The following ZC3HC1 variants were observed in gnomAD, a reference collection of about 807,000 sequenced individuals.
ZC3HC1 encodes zinc finger C3HC-type protein 1.
A neutral mutation model predicts 61.9 loss-of-function variants in ZC3HC1; 38 were observed. The observed-to-expected ratio is 0.61, with a 90% CI of 0.47 to 0.81. ZC3HC1 has a LOEUF of 0.81. Ranked by LOEUF, ZC3HC1 falls within the 30% of genes least tolerant of loss-of-function variation. The pLI, the probability that ZC3HC1 is intolerant of heterozygous loss-of-function variation, is 0.00. For synonymous variants in ZC3HC1, 213 were observed against 229.9 expected (o/e 0.93, Z 0.67); for missense variants, 554 against 622.7 (o/e 0.89, Z 1.17).
chr7:130,024,402 A>G lies in ZC3HC1; in HGVS notation c.881T>C (p.Leu294Pro), dbSNP rs145353294. 5 of 1,614,040 alleles carry G rather than the reference A, an allele frequency of 3.1e-6. No individual in the cohort carries two copies. The African/African-American group carries it at 6.7e-5, about 22-fold the overall frequency. The change falls in exon 7 of 10, where the codon CTG becomes CCG. Residue 294 changes from leucine to proline, a missense_variant. Leu to Pro is a moderately conservative substitution (Grantham distance 98). Transcript: ENST00000358303. ...FQQIESSMTD[L>P]DASFGLTSSP... ...GCTGGTCAGGCCAAAGGATGCATCC[A>G]GGTCAGTCATGGACGATTCAATCTG...
In ZC3HC1 at chr7:130,023,273, G is replaced by A. The variant is rs1563073824; in HGVS notation, c.1233+238C>T. ...ATCAGGTTTGTCCCTGTATCACACC[G>A]TTGTTCCATTTGCCTGAAATATCTA... On this transcript the variant is annotated intron_variant, in intron 8 of 9. Coordinates refer to ENST00000358303, the MANE Select transcript of ZC3HC1 (RefSeq NM_016478.5). This position sits in a 1 kb window ranked among gnomAD's most constrained non-coding sequence, Gnocchi z 4.2. Among the ~76,000 whole-genome samples the A allele has an allele frequency of 6.6e-6, 1 of 152,060 alleles. No homozygotes were observed. Among genetic ancestry groups the A allele is most frequent in the South Asian group, 2.1e-4 (1 of 4,824 alleles).
intron 4 of ZC3HC1, 190 bp downstream of exon 4, chr7:130,039,274 G>A (rs1453045256): frequency 8.7e-6 from 5 of 572,400 alleles, no homozygotes; most frequent in Admixed American, 3.3e-5. Context: ...AACGCGGGAG[G>A]CGAAGGTTGC....
rs746074864 is a variant in ZC3HC1, at chr7:130,026,183, G to C, written c.751C>G (p.Leu251Val). 11 of 1,613,978 alleles carry C rather than the reference G, an allele frequency of 6.8e-6. No homozygotes were observed. The highest frequency in any genetic ancestry group is 8.5e-6 in the Non-Finnish European group (10 of 1,179,998). The change falls in exon 6 of 10, where the codon CTC becomes GTC. Residue 251 changes from leucine to valine, a missense_variant. Coordinates refer to ENST00000358303, the MANE Select transcript of ZC3HC1 (RefSeq NM_016478.5). ...CTACACGCCCAGCCACACACAGAGAGAATACAGGCAGTGACGTGGACTTGG... is the reference window on the plus strand; with the variant it reads ...CTACACGCCCAGCCACACACAGAGACAATACAGGCAGTGACGTGGACTTGG... ...DIQVHVTACI[L>V]SVCGWACSSS...
At chr7:130,019,098 G>A (rs1258150533) in intron 9 of ZC3HC1, among the ~76,000 whole-genome samples, 1 of 145,174 alleles carries the variant, frequency 6.9e-6, no homozygotes, top group Non-Finnish European at 1.5e-5. Context: ...CTGTCACCCA[G>A]GCTGGAGTGC....
At chr7:130,027,345 T>C (rs1328918498) in intron 5 of ZC3HC1, 1 of 152,182 alleles carries the variant, frequency 6.6e-6, no homozygotes, top group Non-Finnish European at 1.5e-5. Flanking sequence ...GGGTCAGGCC[T>C]GGTTAGTACT....
rs1409339819 is a variant in ZC3HC1, at chr7:130,039,466, G to A, written c.491C>T (p.Pro164Leu). The A allele has an allele frequency of 6.2e-7, 1 of 1,610,800 alleles. No homozygotes were observed. Among genetic ancestry groups the A allele is most frequent in the Non-Finnish European group, 8.5e-7 (1 of 1,178,852 alleles). ...CAGGAATTCTCAAAAATAAGTACCT[G>A]GGGATGGGCTGTCTGGCCAGAAACA... ...KFCFWPDSPS[P>L]DRFGMLPLDE... The change falls in exon 4 of 10, where the codon CCA becomes CTA. Residue 164 changes from proline to leucine, a missense_variant and splice_region_variant. Coordinates refer to ENST00000358303, the MANE Select transcript of ZC3HC1 (RefSeq NM_016478.5).
intron 6 of ZC3HC1, among the ~76,000 whole-genome samples, chr7:130,025,157 T>C (rs954797210): frequency 1.3e-5 from 2 of 150,336 alleles, no homozygotes; most frequent in Non-Finnish European, 3.0e-5. Flanking sequence ...CCACCCGCCT[T>C]GGCCTCCCAA....
intron 1 of ZC3HC1, 77 bp downstream of exon 1, chr7:130,051,144 T>TC: frequency 6.6e-7 from 1 of 1,511,998 alleles, no homozygotes; most frequent in Non-Finnish European, 8.8e-7. Context: ...GAGGGGAACC[T>TC]CCCCCAACCC....
intron 4 of ZC3HC1, among the ~76,000 whole-genome samples, chr7:130,038,481 A>G (rs1290913874): frequency 6.6e-6 from 1 of 152,112 alleles, no homozygotes; most frequent in African/African-American, 2.4e-5. Flanking sequence ...GGAAAAGCGG[A>G]GGGTTTGAAA....
At chr7:130,036,910 GAA>G (rs2116730928) in intron 4 of ZC3HC1, 1 of 152,330 alleles carries the variant, frequency 6.6e-6, no homozygotes, top group East Asian at 1.9e-4. Context: ...CCAAGATGGA[GAA>G]AGTTTTAGGT....
intron 4 of ZC3HC1, among the ~76,000 whole-genome samples, chr7:130,029,322 C>G (rs1794074863): frequency 6.6e-6 from 1 of 152,070 alleles, no homozygotes; most frequent in South Asian, 2.1e-4. Flanking sequence ...TGCAATGAGG[C>G]TGAGATCGTG....
In ZC3HC1 at chr7:130,022,349, C is replaced by T. The variant is rs1793682195; in HGVS notation, c.1410G>A (p.Gln470=). The change falls in exon 9 of 10, where the codon CAG becomes CAA. Residue 470 remains glutamine, a synonymous_variant. Coordinates refer to ENST00000358303, the MANE Select transcript of ZC3HC1 (RefSeq NM_016478.5). ...AVLTILLAHK[Q]SSQPAETDSM... is the part of the protein sequence containing the mutation. Reference sequence around the variant, plus strand: ...AGTCCGTTTCAGCTGGCTGGCTAGACTGTTTGTGCGCCAAGAGGATGGTCA... The same window carrying T: ...AGTCCGTTTCAGCTGGCTGGCTAGATTGTTTGTGCGCCAAGAGGATGGTCA... 6.2e-7 allele frequency: 1 copy of T among 1,614,022 alleles called. No homozygotes were observed. Among genetic ancestry groups the T allele is most frequent in the Non-Finnish European group, 8.5e-7 (1 of 1,180,020 alleles).
At chr7:130,050,368 G>C in intron 1 of ZC3HC1, 6 of 1,497,098 alleles carry the variant, frequency 4.0e-6, no homozygotes, top group Non-Finnish European at 5.4e-6. Flanking sequence ...GTGAGCCACC[G>C]CGCCCGGCGA....
chr7:130,041,162 G>A, intron 2 of ZC3HC1, 61 bp from the exon 3 acceptor site: 2 of 1,507,600 alleles, frequency 1.3e-6, no homozygotes, highest in Non-Finnish European at 8.9e-7. Context: ...GTATGTGTGT[G>A]TGTGTGTGTG....
At position 130,029,026 on chromosome 7, in the gene ZC3HC1, C is replaced by T; in HGVS notation, c.497G>A (p.Arg166Gln). ...CTCATCCAGGGGCAACATCCCAAAT[C>T]GGTCTGTGGAAAAAGTAAATTGGAA... ...CFWPDSPSPD[R>Q]FGMLPLDEPA... Residue 166 changes from arginine to glutamine, a missense_variant, in exon 5 of 10, where the codon CGA becomes CAA. Physicochemically the swap from Arg to Gln is conservative, Grantham distance 43. Transcript: ENST00000358303. 4 of 1,612,086 alleles carry T rather than the reference C, an allele frequency of 2.5e-6. No individual in the cohort carries two copies. Among genetic ancestry groups the T allele is most frequent in the East Asian group, 2.2e-5 (1 of 44,746 alleles).
chr7:130,033,045 G>T (rs371843819), intron 4 of ZC3HC1, among the ~76,000 whole-genome samples: 2 of 152,046 alleles, frequency 1.3e-5, no homozygotes, highest in Non-Finnish European at 2.9e-5. Flanking sequence ...AGGTCAGTCC[G>T]GGCAATAGAG....
intron 9 of ZC3HC1, 108 bp from the exon 10 acceptor site, chr7:130,018,840 C>A (rs1334823875): frequency 1.0e-6 from 1 of 961,520 alleles, no homozygotes; most frequent in South Asian, 1.7e-5. Flanking sequence ...AGTAAAAATT[C>A]ATTTTGTAGT....
In ZC3HC1 at chr7:130,026,162, A is replaced by T. The variant is rs554825646; in HGVS notation, c.772T>A (p.Cys258Ser). The change falls in exon 6 of 10, where the codon TGT (cysteine) becomes AGT (serine). Residue 258 changes from cysteine (C) to serine (S), a missense_variant. By Grantham distance (112) the Cys-to-Ser change is moderately radical. Coordinates refer to ENST00000358303, the MANE Select transcript of ZC3HC1 (RefSeq NM_016478.5). ...ACILSVCGWA[C>S]SSSLESMQLS... Reference sequence around the variant, plus strand: ...AGGCAAAATCTGCTGACTCACCTACACGCCCAGCCACACACAGAGAGAATA... The same window carrying T: ...AGGCAAAATCTGCTGACTCACCTACTCGCCCAGCCACACACAGAGAGAATA... The T allele has an allele frequency of 6.2e-7, 1 of 1,612,590 alleles. No individual in the cohort carries two copies. Among genetic ancestry groups the T allele is most frequent in the South Asian group, 1.1e-5 (1 of 91,006 alleles).
chr7:130,032,840 G>A (rs924897153), intron 4 of ZC3HC1, among the ~76,000 whole-genome samples: 2 of 149,886 alleles, frequency 1.3e-5, no homozygotes, highest in Admixed American at 6.7e-5. Context: ...GGGAAAGATG[G>A]GAAGGAGGGG....
Sources: allele counts gnomAD v4.1 joint callset (sites outside exome capture counted in the v4.1 genomes callset), GRCh38; gene constraint gnomAD v4.1.1; non-coding constraint Gnocchi (gnomAD v3.1); transcripts MANE v1.5; gene names NCBI Gene and HGNC (gene_info 2026-07-23, HGNC 2026-07-21).